The following MUC6 variants were observed in gnomAD, a reference collection of about 807,000 sequenced individuals.
The protein encoded by MUC6 is mucin 6, oligomeric mucus/gel-forming (gene/pseudogene), also known as mucin-6.
MUC6 carries 188 observed loss-of-function variants against 201.5 expected under a neutral mutation model. That is an observed-to-expected ratio of 0.93 (90% CI 0.83 to 1.05). The LOEUF is 1.05. Ranked by LOEUF, MUC6 falls within the 50% of genes least tolerant of loss-of-function variation. The probability of loss-of-function intolerance (pLI) is 0.00; values close to 1 mark genes in which losing one functional copy is unlikely to be tolerated. For synonymous variants in MUC6, 1,228 were observed against 1,389.4 expected (o/e 0.88, Z 2.58); for missense variants, 2,706 against 3,256.9 (o/e 0.83, Z 4.12).
Position 1,026,325 on chromosome 11 carries a change from AC to A in MUC6, c.2546+1del. ...GGCGTCTGAAGCGAGGCTTTGTCTC[AC>A]CAGGTCCTGCAGTCAGTGTGGAGCT... On this transcript the variant is annotated splice_donor_variant, in intron 20 of 32. Coordinates refer to ENST00000421673, the MANE Select transcript of MUC6 (RefSeq NM_005961.3). LOFTEE classifies it high-confidence loss of function. 1 of 1,573,130 alleles carries A rather than the reference AC, an allele frequency of 6.4e-7. No homozygotes were observed. Among genetic ancestry groups the A allele is most frequent in the South Asian group, 1.2e-5 (1 of 86,890 alleles).
chr11:1,030,694 G>A lies in MUC6; in HGVS notation c.771C>T (p.Asp257=), dbSNP rs368746638. 3.8e-5 allele frequency: 59 copies of A among 1,548,738 alleles called. No individual in the cohort carries two copies. The highest frequency in any genetic ancestry group is 4.8e-5 in the Non-Finnish European group (55 of 1,148,742). Residue 257 remains aspartate (D), a synonymous_variant, in exon 7 of 33, where the codon GAC becomes GAT. Transcript: ENST00000421673. ...GGCCTGGCTGGGGGGCTGCGGCCAC[G>A]TCCGCCTGGCAGCTTAGCACGAAGG... is the stretch of plus-strand genomic sequence containing the variant. The part of the protein sequence containing the change: ...KEPFVLSCQA[D]VAAAPQPGPQ...
chr11:1,031,117 GC>G (rs1857091994), intron 5 of MUC6, 51 bp downstream of exon 5: 15 of 1,230,436 alleles, frequency 1.2e-5, no homozygotes, highest in South Asian at 3.8e-5. Flanking sequence ...CCCCTGCCCT[GC>G]CCCCCACCTA....
At position 1,028,017 on chromosome 11, in the gene MUC6, C is replaced by A; in HGVS notation, c.1796G>T (p.Gly599Val). The change falls in exon 15 of 33, where the codon GGC (glycine) becomes GTC (valine). Residue 599 changes from glycine to valine, a missense_variant. Physicochemically the swap from Gly to Val is moderately radical, Grantham distance 109 (BLOSUM62 -3). Transcript: ENST00000421673. ...ETHCSMLLRT[G>V]TVFERCHATV... ...GGCGTGGCACCTCTCGAACACCGTG[C>A]CTGTCCTCAGCAGCATGGAGCAGTG... 1 of 1,586,486 alleles carries A rather than the reference C, an allele frequency of 6.3e-7. No individual in the cohort carries two copies. The highest frequency in any genetic ancestry group is 1.3e-5 in the African/African-American group (1 of 74,324).
chr11:1,022,927 T>C (rs1267855322), intron 26 of MUC6, among the ~76,000 whole-genome samples: 1 of 151,488 alleles, frequency 6.6e-6, no homozygotes, highest in Non-Finnish European at 1.5e-5. Context: ...CATGAGTGAA[T>C]GTGCGTGAGT....
chr11:1,029,117 C>A lies in MUC6; in HGVS notation c.1309G>T (p.Ala437Ser). ...PQLPEDGALM[A>S]VYDKSGVSHS... ...GAGACGCCGGACTTGTCGTACACAG[C>A]CATGAGGGCACCGTCCTCGGGAAGC... Residue 437 changes from alanine (A) to serine (S), a missense_variant, in exon 11 of 33, where the codon GCT becomes TCT. Physicochemically the swap from Ala to Ser is moderately conservative, Grantham distance 99. This residue lies in a region of MUC6 where 1,850 missense variants were observed against 1,958.3 expected (regional missense o/e 0.94). Transcript: ENST00000421673. 1 of 1,612,624 alleles carries A rather than the reference C, an allele frequency of 6.2e-7. No homozygotes were observed. Among genetic ancestry groups the A allele is most frequent in the Non-Finnish European group, 8.5e-7 (1 of 1,179,772 alleles).
Position 1,015,873 on chromosome 11 carries a change from G to T in MUC6, c.6928C>A (p.Pro2310Thr), listed in dbSNP as rs761566459. The change falls in exon 31 of 33, where the codon CCC (proline) becomes ACC (threonine). Residue 2310 changes from proline to threonine, a missense_variant. Around this residue, in one of 10 missense-constraint regions of MUC6, gnomAD observed 586 missense variants for 488.0 expected, o/e 1.20. Transcript: ENST00000421673. ...AACCGTGTGGTAGGCGACAAGGTGG[G>T]ACCAGGGTGCCTGGTGGTAAGGTTG... ...VTNLTTRHPG[P>T]TLSPTTRFLT... 1 of 1,608,656 alleles carries T rather than the reference G, an allele frequency of 6.2e-7. No individual in the cohort carries two copies.
chr11:1,019,995 G>A (rs763832725), intron 29 of MUC6, 95 bp downstream of exon 29: 12 of 1,436,226 alleles, frequency 8.4e-6, no homozygotes, highest in South Asian at 1.2e-5. Context: ...GCAGATGTGA[G>A]CCAGGAAGCA....
intron 26 of MUC6, among the ~76,000 whole-genome samples, chr11:1,022,235 C>G (rs1234190262): frequency 6.7e-6 from 1 of 149,474 alleles, no homozygotes; most frequent in South Asian, 2.1e-4. Flanking sequence ...GCCCCTCACT[C>G]GCTTGCTCTG....
intron 1 of MUC6, among the ~76,000 whole-genome samples, chr11:1,034,377 C>T (rs1200197325): frequency 6.6e-6 from 1 of 152,226 alleles, no homozygotes; most frequent in East Asian, 1.9e-4. Context: ...GGCCCTGAGC[C>T]TGGCGAGCAC....
rs182278499 is a variant in MUC6 at position 1,018,623 on chromosome 11, G to C, written c.4178C>G (p.Thr1393Arg). Residue 1393 changes from threonine to arginine, a missense_variant, in exon 31 of 33, where the codon ACG becomes AGG. Thr to Arg is a moderately conservative substitution (Grantham distance 71). Transcript: ENST00000421673. The stretch of plus-strand genomic sequence containing the variant: ...TTGGGGCGTTGTGTATTCAGTAGTC[G>C]TTCTTGTTTGAGTGGTCTCTGTGGC... ...PTATETTQTR[T>R]TTEYTTPQTP... 1.3e-4 allele frequency: 214 copies of C among 1,613,474 alleles called. No individual in the cohort carries two copies. The African/African-American group carries it at 2.7e-3, about 20-fold the overall frequency.
At chr11:1,022,236 G>C (rs1265650720) in intron 26 of MUC6, among the ~76,000 whole-genome samples, 2 of 118,364 alleles carry the variant, frequency 1.7e-5, no homozygotes, top group Non-Finnish European at 3.4e-5. Context: ...CCCCTCACTC[G>C]CTTGCTCTGC....
chr11:1,027,340 T>G lies in MUC6; in HGVS notation c.2159A>C (p.Gln720Pro), dbSNP rs1456885136. The change falls in exon 17 of 33, where the codon CAG becomes CCG. Residue 720 changes from glutamine to proline, a missense_variant. Physicochemically the swap from Gln to Pro is moderately conservative, Grantham distance 76. Transcript: ENST00000421673. ...GTAACCCTCCAGTATGCACGGGCAC[T>G]GGGCCTTGCGCACACACTCGCCCTT... ...NQKGECVRKA[Q>P]CPCILEGYKF... The G allele has an allele frequency of 6.2e-7, 1 of 1,612,884 alleles. No homozygotes were observed. Among genetic ancestry groups the G allele is most frequent in the African/African-American group, 1.3e-5 (1 of 74,926 alleles).
At chr11:1,023,833 A>T in intron 25 of MUC6, 114 bp downstream of exon 25, 1 of 1,461,964 alleles carries the variant, frequency 6.8e-7, no homozygotes, top group Non-Finnish European at 9.2e-7. Flanking sequence ...CGCAGGGCAC[A>T]GCCCGGCGCC....
At chr11:1,022,022 C>T (rs1856819219) in intron 26 of MUC6, among the ~76,000 whole-genome samples, 1 of 152,024 alleles carries the variant, frequency 6.6e-6, no homozygotes, top group South Asian at 2.1e-4. Context: ...GTCTGTGTAC[C>T]CCACACCCCT....
intron 2 of MUC6, among the ~76,000 whole-genome samples, 198 bp from the exon 3 acceptor site, chr11:1,032,251 T>C (rs1857123123): frequency 6.6e-6 from 1 of 152,196 alleles, no homozygotes; most frequent in South Asian, 2.1e-4. Context: ...TGTGGGCATG[T>C]GCACACACGT....
chr11:1,020,839 T>A, intron 27 of MUC6, 105 bp from the exon 28 acceptor site: 1 of 1,419,590 alleles, frequency 7.0e-7, no homozygotes, highest in Non-Finnish European at 9.7e-7. Flanking sequence ...ACCAAGGCTG[T>A]GGTGGAGGGG....
At chr11:1,021,133 T>C (rs1343071289) in intron 27 of MUC6, 82 bp downstream of exon 27, 29 of 1,343,114 alleles carry the variant, frequency 2.2e-5, no homozygotes, top group Middle Eastern at 1.9e-4. Context: ...GAGGGCTCTC[T>C]CCCTTGTTTG....
At chr11:1,029,173 C>T in intron 10 of MUC6, 23 bp from the exon 11 acceptor site, 1 of 1,607,598 alleles carries the variant, frequency 6.2e-7, no homozygotes, top group Non-Finnish European at 8.5e-7. Flanking sequence ...GGGGCTCAGA[C>T]ACGGGTGGGG....
At chr11:1,013,743 C>A in intron 32 of MUC6, 110 bp from the exon 33 acceptor site, 10 of 1,403,688 alleles carry the variant, frequency 7.1e-6, no homozygotes, top group Non-Finnish European at 9.7e-6. Context: ...GCTGAGCTCC[C>A]GGCTCACAGG....
Sources: gnomAD v4.1 joint callset for allele counts (sites outside exome capture counted in the v4.1 genomes callset) on GRCh38, gnomAD v4.1.1 for gene constraint, gnomAD v4.1.1 regional missense constraint, MANE v1.5 for transcripts, NCBI Gene and HGNC (gene_info 2026-07-23, HGNC 2026-07-21) for gene names.